Variants in CTNNA2 observed in about 807,000 individuals in gnomAD.
CTNNA2 encodes the protein catenin alpha-2.
Under a neutral mutation model 101.0 loss-of-function variants are expected in CTNNA2, and 42 were observed. That is an observed-to-expected ratio of 0.42 (90% CI 0.32 to 0.54). The LOEUF is 0.54. CTNNA2 is among the 20% of genes least tolerant of loss of function. The pLI is 0.14. For missense variants in CTNNA2, 871 were observed against 1,223.1 expected, an observed-to-expected ratio of 0.71 and a Z score of 4.29; for synonymous variants, 450 against 456.4, an observed-to-expected ratio of 0.99 and a Z score of 0.18.
chr2:80,045,372 GT>G (rs1696447643), intron 7 of CTNNA2, among the ~76,000 whole-genome samples: 2 of 152,202 alleles, frequency 1.3e-5, no homozygotes, highest in Admixed American at 1.3e-4. Flanking sequence ...TTAAATTTTA[GT>G]TGTAATAGTT....
At chr2:80,110,287 A>G (rs145583535) in intron 7 of CTNNA2, among the ~76,000 whole-genome samples, 151 of 152,284 alleles carry the variant, frequency 9.9e-4, no homozygotes, top group African/African-American at 3.0e-3. Flanking sequence ...GGGCTGGGCA[A>G]TATGTTACCT....
chr2:79,424,683 C>G (rs1678574668), intron 4 of CTNNA2, among the ~76,000 whole-genome samples: 1 of 151,976 alleles, frequency 6.6e-6, no homozygotes, highest in Non-Finnish European at 1.5e-5. Flanking sequence ...AAACTCCAAC[C>G]CTAGATACTC....
At chr2:79,830,893 C>G (rs958764493) in intron 3 of CTNNA2, among the ~76,000 whole-genome samples, 2 of 152,156 alleles carry the variant, frequency 1.3e-5, no homozygotes, top group African/African-American at 4.8e-5. Context: ...TGCCAGAAAA[C>G]TAAGCTTGGT....
At chr2:80,021,210 A>C (rs568539579) in intron 7 of CTNNA2, among the ~76,000 whole-genome samples, 1 of 151,614 alleles carries the variant, frequency 6.6e-6, no homozygotes, top group African/African-American at 2.4e-5. Flanking sequence ...TGTAGAGACA[A>C]GGTTTCATCA....
intron 3 of CTNNA2, among the ~76,000 whole-genome samples, chr2:79,335,607 A>AATTTCT (rs1482026440): frequency 1.3e-5 from 2 of 152,188 alleles, no homozygotes; most frequent in African/African-American, 4.8e-5. Flanking sequence ...TGTAAGACAA[A>AATTTCT]ATTTCTAGAC....
chr2:79,930,949 G>A (rs1034918710), intron 7 of CTNNA2, among the ~76,000 whole-genome samples: 12 of 152,242 alleles, frequency 7.9e-5, no homozygotes, highest in African/African-American at 2.6e-4. Flanking sequence ...CAGAGCAATT[G>A]GACTTGGAAT....
intron 6 of CTNNA2, among the ~76,000 whole-genome samples, chr2:79,907,212 A>G (rs1685482426): frequency 1.3e-5 from 2 of 152,170 alleles, no homozygotes; most frequent in Non-Finnish European, 2.9e-5. Context: ...ATGGTTTTCT[A>G]TAAAATAGGT....
intron 1 of CTNNA2, among the ~76,000 whole-genome samples, chr2:79,638,546 A>G (rs2104404355): frequency 6.6e-6 from 1 of 152,324 alleles, no homozygotes; most frequent in Admixed American, 6.5e-5. Context: ...TGAAAGGGGC[A>G]AGGCTAATTA....
intron 8 of CTNNA2, among the ~76,000 whole-genome samples, 165 bp downstream of exon 8, chr2:80,393,456 G>A (rs72912893): frequency 7.0e-4 from 107 of 152,244 alleles, no homozygotes; most frequent in African/African-American, 2.6e-3. Flanking sequence ...AGAGATTGCT[G>A]GACAGAGACG....
chr2:79,970,918 T>C (rs1441472361), intron 7 of CTNNA2, among the ~76,000 whole-genome samples: 1 of 152,182 alleles, frequency 6.6e-6, no homozygotes, highest in Non-Finnish European at 1.5e-5. Context: ...ACATTATTTC[T>C]TTCCAAGATT....
chr2:79,870,183 C>G (rs1296212610), intron 5 of CTNNA2, among the ~76,000 whole-genome samples: 1 of 152,172 alleles, frequency 6.6e-6, no homozygotes, highest in African/African-American at 2.4e-5. Flanking sequence ...ACCCTGCTAG[C>G]CCTACCACAC....
intron 1 of CTNNA2, among the ~76,000 whole-genome samples, chr2:79,620,848 A>G (rs1160149428): frequency 2.6e-5 from 4 of 152,196 alleles, no homozygotes; most frequent in Non-Finnish European, 5.9e-5. Flanking sequence ...CTTGGACAGT[A>G]TAAAAATCCC....
rs77760144 is a variant in CTNNA2 at position 80,295,123 on chromosome 2, C to T, written c.1057-98088C>T. On this transcript the variant is annotated intron_variant, in intron 7 of 18. Coordinates refer to ENST00000402739, the MANE Select transcript of CTNNA2 (RefSeq NM_001282597.3). ...TCTCAATCTCTCTTTCTCTCTCTTT[C>T]CCTCCCATCCCATACCCCATTTTAC... is the stretch of plus-strand genomic sequence containing the variant. Among the ~76,000 whole-genome samples the T allele has an allele frequency of 2.4e-4, 36 of 151,976 alleles. No individual in the cohort carries two copies. In the East Asian group the frequency reaches 6.6e-3, roughly 28 times the overall value.
chr2:80,524,572 A>G (rs1689860178), intron 9 of CTNNA2, among the ~76,000 whole-genome samples: 2 of 152,154 alleles, frequency 1.3e-5, no homozygotes, highest in African/African-American at 2.4e-5. Flanking sequence ...CAGACTAGTC[A>G]CGTTGAACTA....
chr2:79,199,964 A>C (rs1572975346), intron 2 of CTNNA2, among the ~76,000 whole-genome samples: 1 of 152,252 alleles, frequency 6.6e-6, no homozygotes, highest in East Asian at 1.9e-4. Context: ...ACACATCTTC[A>C]ATGCTTCTGC....
chr2:79,994,465 C>T (rs561553873), intron 7 of CTNNA2, among the ~76,000 whole-genome samples: 4 of 152,236 alleles, frequency 2.6e-5, no homozygotes, highest in East Asian at 3.9e-4. Flanking sequence ...TTTTTGAAAG[C>T]GACCTTGTGG....
chr2:79,473,345 A>G lies in CTNNA2; in HGVS notation c.-134-31709A>G, dbSNP rs750029506. ...AAAATTAAAAAAAGACAAAAAAATCACAAATCCAAGAAACTCAGAGAATAC... is the reference window on the plus strand; with the variant it reads ...AAAATTAAAAAAAGACAAAAAAATCGCAAATCCAAGAAACTCAGAGAATAC... On this transcript the variant is annotated intron_variant, in intron 4 of 21. Transcript: ENST00000466387. 2.0e-5 allele frequency among the ~76,000 whole-genome samples: 3 copies of G among 152,128 alleles called. No homozygotes were observed. In the South Asian group the frequency reaches 6.2e-4, roughly 31 times the overall value.
chr2:80,545,796 C>A, intron 10 of CTNNA2, 111 bp from the exon 11 acceptor site: 1 of 1,010,414 alleles, frequency 9.9e-7, no homozygotes. Context: ...ACCAAGAACC[C>A]ACTTATCTGT....
intron 7 of CTNNA2, among the ~76,000 whole-genome samples, chr2:80,382,376 C>T (rs1008233908): frequency 8.6e-5 from 13 of 151,764 alleles, no homozygotes; most frequent in African/African-American, 1.5e-4. Flanking sequence ...AAAAAAAATG[C>T]TCATGACAAG....
Sources: allele counts gnomAD v4.1 joint callset (sites outside exome capture counted in the v4.1 genomes callset), GRCh38; gene constraint gnomAD v4.1.1; transcripts MANE v1.5; gene names NCBI Gene and HGNC (gene_info 2026-07-23, HGNC 2026-07-21).